The following SRGAP2B variants were observed in gnomAD, a reference collection of about 807,000 sequenced individuals.
The protein encoded by SRGAP2B is SLIT-ROBO Rho GTPase-activating protein 2B.
In SRGAP2B, 9 loss-of-function variants were observed where a neutral mutation model predicts 22.2. The observed-to-expected ratio is 0.41, with a 90% CI of 0.24 to 0.71. SRGAP2B has a LOEUF of 0.71. Among genes scored for constraint, SRGAP2B ranks in the 30% least tolerant of loss-of-function variants. The pLI is 0.35. For missense variants in SRGAP2B, 114 were observed against 235.8 expected (o/e 0.48, Z 3.38); for synonymous variants, 36 against 87.4 (o/e 0.41, Z 3.28).
intron 4 of SRGAP2B, among the ~76,000 whole-genome samples, chr1:144,945,605 A>G (rs1171171089): frequency 6.6e-6 from 1 of 150,640 alleles, no homozygotes; most frequent in Non-Finnish European, 1.5e-5. Context: ...AAACAAACAA[A>G]CAAACAAACA....
chr1:144,922,693 A>C (rs1385423176), intron 4 of SRGAP2B, among the ~76,000 whole-genome samples: 3 of 150,276 alleles, frequency 2.0e-5, no homozygotes, highest in Non-Finnish European at 2.9e-5. Context: ...TGGCTGTACA[A>C]CTAGGATATG....
At chr1:144,984,450 T>C (rs1273443031) in intron 3 of SRGAP2B, among the ~76,000 whole-genome samples, 3 of 149,608 alleles carry the variant, frequency 2.0e-5, no homozygotes, top group Non-Finnish European at 4.4e-5. Context: ...AAAGACACTT[T>C]ACAGACCTCT....
At chr1:144,941,328 G>T (rs1245708550) in intron 4 of SRGAP2B, among the ~76,000 whole-genome samples, 1 of 131,260 alleles carries the variant, frequency 7.6e-6, no homozygotes, top group African/African-American at 3.0e-5. Flanking sequence ...CCAAGAGGAT[G>T]ATTCTGGGAG....
chr1:144,924,516 G>A (rs1223723797), intron 4 of SRGAP2B, among the ~76,000 whole-genome samples: 4 of 149,992 alleles, frequency 2.7e-5, no homozygotes, highest in Admixed American at 6.6e-5. Flanking sequence ...CGAGGCGGGC[G>A]GATCACGAGG....
intron 2 of SRGAP2B, among the ~76,000 whole-genome samples, chr1:145,041,036 C>T (rs1409434853): frequency 4.8e-5 from 6 of 125,632 alleles, no homozygotes; most frequent in African/African-American, 1.6e-4. Flanking sequence ...TTACTTATCA[C>T]CATCTGAAAA....
chr1:144,927,518 C>G (rs1372084467), intron 4 of SRGAP2B, among the ~76,000 whole-genome samples: 1 of 150,246 alleles, frequency 6.7e-6, no homozygotes, highest in African/African-American at 2.5e-5. Context: ...GTCAACCATG[C>G]TGTTGCTCCA....
chr1:144,930,908 C>T, intron 4 of SRGAP2B, among the ~76,000 whole-genome samples: 1 of 149,190 alleles, frequency 6.7e-6, no homozygotes, highest in South Asian at 2.1e-4. Context: ...ATGAGTAGGT[C>T]TTCCATCGTT....
chr1:145,014,300 C>CAA (rs587606866), intron 2 of SRGAP2B, among the ~76,000 whole-genome samples: 1 of 144,530 alleles, frequency 6.9e-6, no homozygotes, highest in African/African-American at 2.7e-5. Context: ...GACTCCATCT[C>CAA]AAAAAAAACA....
intron 4 of SRGAP2B, among the ~76,000 whole-genome samples, chr1:144,924,850 A>C (rs2101796988): frequency 6.7e-6 from 1 of 149,152 alleles, no homozygotes; most frequent in African/African-American, 2.6e-5. Flanking sequence ...CTAGTTGTTT[A>C]ATCATTCACT....
intron 2 of SRGAP2B, among the ~76,000 whole-genome samples, chr1:145,089,070 T>A (rs1474182660): frequency 6.6e-6 from 1 of 151,404 alleles, no homozygotes; most frequent in African/African-American, 2.4e-5. Flanking sequence ...TGTGTGTACA[T>A]AGGTTATACG....
chr1:144,974,054 T>A (rs1477128722), intron 3 of SRGAP2B, among the ~76,000 whole-genome samples: 1 of 151,084 alleles, frequency 6.6e-6, no homozygotes, highest in Non-Finnish European at 1.5e-5. Flanking sequence ...AGATGGAAGA[T>A]TTTAAAAGGG....
At chr1:145,040,520 C>T (rs1245141471) in intron 2 of SRGAP2B, among the ~76,000 whole-genome samples, 1 of 150,758 alleles carries the variant, frequency 6.6e-6, no homozygotes, top group Non-Finnish European at 1.5e-5. Context: ...GCCATATGTT[C>T]TCTGTTGAAA....
chr1:144,909,542 A>G (rs1385523219), intron 5 of SRGAP2B, among the ~76,000 whole-genome samples: 11 of 145,244 alleles, frequency 7.6e-5, no homozygotes, highest in Non-Finnish European at 1.4e-4. Flanking sequence ...AGCCGAGATC[A>G]CGCCACTGCA....
chr1:145,015,740 C>T (rs1323498287), intron 2 of SRGAP2B, among the ~76,000 whole-genome samples: 1 of 106,140 alleles, frequency 9.4e-6, no homozygotes, highest in Non-Finnish European at 1.9e-5. Flanking sequence ...CCGAAATAAT[C>T]GAAGAAATTC....
chr1:144,925,041 T>C (rs1378060100), intron 4 of SRGAP2B, among the ~76,000 whole-genome samples: 9 of 148,310 alleles, frequency 6.1e-5, no homozygotes, highest in Non-Finnish European at 1.3e-4. Context: ...TCTCACTCTA[T>C]CACCAGGCTG....
chr1:144,953,773 G>C (rs1295065555), intron 4 of SRGAP2B, among the ~76,000 whole-genome samples: 1 of 150,458 alleles, frequency 6.6e-6, no homozygotes. Context: ...ACCTTCTAAG[G>C]CTTGGTAAAA....
intron 4 of SRGAP2B, chr1:144,918,331 G>C (rs1463710136): frequency 6.7e-6 from 1 of 149,522 alleles, no homozygotes; most frequent in Non-Finnish European, 1.5e-5. Flanking sequence ...TAACAATGCT[G>C]GTTCTATCGG....
At chr1:144,960,336 A>G (rs1553611046) in intron 3 of SRGAP2B, among the ~76,000 whole-genome samples, 3 of 150,612 alleles carry the variant, frequency 2.0e-5, no homozygotes. Flanking sequence ...ATCATACTAT[A>G]CCTGAGAGGG....
intron 2 of SRGAP2B, among the ~76,000 whole-genome samples, chr1:145,089,231 AAAAGACTAAG>A (rs1653744323): frequency 6.6e-6 from 1 of 150,886 alleles, no homozygotes; most frequent in African/African-American, 2.5e-5. Context: ...GAGCTATGTA[AAAAGACTAAG>A]AATATTATTG....
Sources: allele counts gnomAD v4.1 joint callset (sites outside exome capture counted in the v4.1 genomes callset), GRCh38; gene constraint gnomAD v4.1.1; transcripts MANE v1.5; gene names NCBI Gene and HGNC (gene_info 2026-07-23, HGNC 2026-07-21).